The following GNAQ variants were observed in gnomAD, a reference collection of about 807,000 sequenced individuals.
The protein encoded by GNAQ is guanine nucleotide-binding protein G(q) subunit alpha.
In GNAQ, 8 loss-of-function variants were observed where a neutral mutation model predicts 43.9. That is an observed-to-expected ratio of 0.18 (90% confidence interval 0.11 to 0.33). The LOEUF (loss-of-function observed/expected upper bound fraction) is 0.33, where lower values mean the gene tolerates loss of function less well. Ranked by LOEUF, GNAQ falls within the 10% of genes least tolerant of loss-of-function variation. GNAQ has a pLI of 1.00. For synonymous variants in GNAQ, 155 were observed against 170.7 expected, an observed-to-expected ratio of 0.91 and a Z score of 0.71; for missense variants, 158 against 450.8, an observed-to-expected ratio of 0.35 and a Z score of 5.88.
intron 3 of GNAQ, among the ~76,000 whole-genome samples, chr9:77,812,910 A>AT (rs1182418989): frequency 1.2e-4 from 18 of 150,174 alleles, no homozygotes; most frequent in Admixed American, 9.9e-4. Flanking sequence ...TTTATTTTTT[A>AT]TTTTTTTTTG....
In GNAQ at chr9:77,797,444, C is replaced by G. The variant is rs1041707248; in HGVS notation, c.605+76G>C. ...CTTGTTTTGAAGCCTACACATGATT[C>G]CAGTATTTATAGAGTTTACCAAATG... is the stretch of plus-strand genomic sequence containing the variant. On this transcript the variant is annotated intron_variant, in intron 4 of 6. Coordinates refer to ENST00000286548, the MANE Select transcript of GNAQ (RefSeq NM_002072.5). The G allele has an allele frequency of 4.4e-5, 47 of 1,068,034 alleles. No individual in the cohort carries two copies. The African/African-American group carries it at 6.7e-4, about 15-fold the overall frequency. The allele number at this position is 1,068,034 out of a possible 1,614,324, so 66.2% of individuals were successfully genotyped here.
At chr9:77,830,333 C>A (rs183843717) in intron 2 of GNAQ, among the ~76,000 whole-genome samples, 44 of 152,216 alleles carry the variant, frequency 2.9e-4, no homozygotes, top group Admixed American at 1.4e-3. Context: ...CACACATCAT[C>A]CATGGGGCAC....
At chr9:78,003,819 A>C (rs1187993371) in intron 1 of GNAQ, among the ~76,000 whole-genome samples, 1 of 152,004 alleles carries the variant, frequency 6.6e-6, no homozygotes, top group Admixed American at 6.6e-5. Flanking sequence ...GTCTAAAAAA[A>C]AAAAAAAGAA....
intron 1 of GNAQ, among the ~76,000 whole-genome samples, chr9:77,955,545 T>C (rs1326970861): frequency 3.3e-5 from 5 of 152,222 alleles, no homozygotes; most frequent in South Asian, 2.1e-4. Flanking sequence ...TCTACTCCTA[T>C]GCGAAACAAA....
chr9:77,845,336 C>G (rs958407881), intron 2 of GNAQ, among the ~76,000 whole-genome samples: 3 of 152,086 alleles, frequency 2.0e-5, no homozygotes, highest in East Asian at 1.9e-4. Context: ...AAACAAAACT[C>G]TTGGTGGTGA....
rs147832955 is a variant in GNAQ at position 77,931,103 on chromosome 9, C to G, written c.137-8758G>C. ...TGGAAAAATTGCCCAAAAAACTGGT[C>G]TCTGTTGCCAAAATGGGAACAAAAT... On this transcript the variant is annotated intron_variant, in intron 1 of 6. Transcript: ENST00000286548. Among the ~76,000 whole-genome samples the G allele has an allele frequency of 3.9e-3, 591 of 150,818 alleles. 7 individuals are homozygous for G. The highest frequency in any genetic ancestry group is 0.014 in the African/African-American group (572 of 41,162).
At chr9:77,767,896 TTGAG>T (rs1389473611) in intron 5 of GNAQ, among the ~76,000 whole-genome samples, 2 of 152,206 alleles carry the variant, frequency 1.3e-5, no homozygotes, top group Non-Finnish European at 2.9e-5. Flanking sequence ...AAGGAGTTTA[TTGAG>T]TTTTAATGTT....
chr9:77,888,740 G>T (rs141482120), intron 2 of GNAQ, among the ~76,000 whole-genome samples: 175 of 152,222 alleles, frequency 1.1e-3, no homozygotes, highest in African/African-American at 4.0e-3. Flanking sequence ...AGGTTTATGA[G>T]AAAGATGAGG....
chr9:77,800,169 T>C (rs925712421), intron 3 of GNAQ, among the ~76,000 whole-genome samples: 1 of 151,858 alleles, frequency 6.6e-6, no homozygotes, highest in African/African-American at 2.4e-5. Flanking sequence ...GTGTGGCGAT[T>C]CCTCAGGGAT....
chr9:77,967,771 G>C (rs1823187050), intron 1 of GNAQ, among the ~76,000 whole-genome samples: 1 of 152,132 alleles, frequency 6.6e-6, no homozygotes, highest in Admixed American at 6.5e-5. Context: ...CCTGAGGTCA[G>C]CAGTTCGAAA....
Position 77,875,660 on chromosome 9 carries a change from T to G in GNAQ, c.321+46501A>C, listed in dbSNP as rs115127333. On this transcript the variant is annotated intron_variant, in intron 2 of 6. Transcript: ENST00000286548. ...AGTTGGTCGCCCTTTTCCTGGAAAT[T>G]AGGAGAATCACAGAAGCCACAATCC... 5.4e-3 allele frequency among the ~76,000 whole-genome samples: 820 copies of G among 152,186 alleles called. 7 individuals are homozygous for G. The highest frequency in any genetic ancestry group is 0.018 in the African/African-American group (744 of 41,522).
chr9:77,805,874 C>G (rs1826822162), intron 3 of GNAQ, among the ~76,000 whole-genome samples: 1 of 152,088 alleles, frequency 6.6e-6, no homozygotes, highest in South Asian at 2.1e-4. Flanking sequence ...AAGAACTAAC[C>G]CAATCTAGAA....
rs1332755231 is a variant in GNAQ at position 77,720,842 on chromosome 9, G to A, written c.*481C>T. On this transcript the variant is annotated 3_prime_UTR_variant, in exon 7 of 7. Transcript: ENST00000286548. ...AAGCTGATGATGGCTTAAATCGAAC[G>A]ATGTGTCCTGACTGTATCATTTGAG... 5 of 233,882 alleles carry A rather than the reference G, an allele frequency of 2.1e-5. No homozygotes were observed. Among genetic ancestry groups the A allele is most frequent in the Admixed American group, 5.6e-5 (1 of 17,800 alleles). The allele number at this position is 233,882 out of a possible 1,614,324, so 14.5% of individuals were successfully genotyped here.
At chr9:77,741,453 G>A (rs188021794) in intron 5 of GNAQ, among the ~76,000 whole-genome samples, 1 of 152,126 alleles carries the variant, frequency 6.6e-6, no homozygotes, top group African/African-American at 2.4e-5. Context: ...TTTTGTCCTT[G>A]TCTTTTTTTC....
chr9:77,736,643 T>C (rs568109719), intron 5 of GNAQ, among the ~76,000 whole-genome samples: 9 of 152,192 alleles, frequency 5.9e-5, no homozygotes, highest in African/African-American at 2.2e-4. Flanking sequence ...GTCAGGCCCT[T>C]GTAAAGTGAA....
chr9:77,909,992 G>A (rs1379821409), intron 2 of GNAQ, among the ~76,000 whole-genome samples: 1 of 152,090 alleles, frequency 6.6e-6, no homozygotes, highest in Non-Finnish European at 1.5e-5. Flanking sequence ...AAAATCATGA[G>A]TAGGTTAACA....
chr9:77,925,049 TG>T (rs1829050204), intron 1 of GNAQ, among the ~76,000 whole-genome samples: 1 of 152,116 alleles, frequency 6.6e-6, no homozygotes, highest in Non-Finnish European at 1.5e-5. Flanking sequence ...CAGCTCCTGC[TG>T]GGTGGCCCTC....
chr9:77,928,617 G>T (rs1238155369), intron 1 of GNAQ, among the ~76,000 whole-genome samples: 1 of 152,176 alleles, frequency 6.6e-6, no homozygotes, highest in Non-Finnish European at 1.5e-5. Context: ...AGGTACAAGA[G>T]CATTTTCTTG....
At chr9:77,782,830 T>A (rs74331826) in intron 5 of GNAQ, among the ~76,000 whole-genome samples, 3 of 152,180 alleles carry the variant, frequency 2.0e-5, no homozygotes, top group African/African-American at 7.2e-5. Flanking sequence ...GATGAGGCCA[T>A]GAAAAGACAT....
Sources: gnomAD v4.1 joint callset for allele counts (sites outside exome capture counted in the v4.1 genomes callset) on GRCh38, gnomAD v4.1.1 for gene constraint, MANE v1.5 for transcripts, NCBI Gene and HGNC (gene_info 2026-07-23, HGNC 2026-07-21) for gene names.